The following OXR1 variants were observed in gnomAD, a reference collection of about 807,000 sequenced individuals.
The protein encoded by OXR1 is oxidation resistance 1.
Under a neutral mutation model 104.6 loss-of-function variants are expected in OXR1, and 41 were observed. That is an observed-to-expected ratio of 0.39 (90% CI 0.31 to 0.51). The LOEUF (loss-of-function observed/expected upper bound fraction) is 0.51. OXR1 is among the 20% of genes least tolerant of loss of function. OXR1 has a pLI of 0.77. For missense variants in OXR1, 955 were observed against 1,031.9 expected, an observed-to-expected ratio of 0.93 and a Z score of 1.02; for synonymous variants, 348 against 348.4, an observed-to-expected ratio of 1.00 and a Z score of 0.01.
At chr8:106,688,829 A>T (rs750622597) in intron 6 of OXR1, among the ~76,000 whole-genome samples, 5 of 152,104 alleles carry the variant, frequency 3.3e-5, no homozygotes, top group Non-Finnish European at 5.9e-5. Context: ...TGTGTTCTTA[A>T]CTACTTTTTG....
At chr8:106,509,803 G>T (rs534527257) in intron 2 of OXR1, among the ~76,000 whole-genome samples, 1 of 152,074 alleles carries the variant, frequency 6.6e-6, no homozygotes, top group African/African-American at 2.4e-5. Flanking sequence ...TCAGAGTCTC[G>T]CTCTGTCGCC....
intron 3 of OXR1, among the ~76,000 whole-genome samples, chr8:106,633,189 G>A (rs977496153): frequency 9.7e-5 from 14 of 144,666 alleles, no homozygotes; most frequent in African/African-American, 3.3e-4. Flanking sequence ...CCGAGATTGC[G>A]CCACTGCACT....
chr8:106,686,779 C>A (rs1219594772), intron 6 of OXR1, among the ~76,000 whole-genome samples: 3 of 152,124 alleles, frequency 2.0e-5, no homozygotes, highest in Admixed American at 2.0e-4. Context: ...TAAAGACTTT[C>A]ATTGGTAATA....
At position 106,745,656 on chromosome 8, in the gene OXR1, C is replaced by T. The variant is rs150003246; in HGVS notation, c.2413-133C>T. The T allele has an allele frequency of 7.7e-4, 374 of 488,560 alleles. 4 individuals carry two copies. The highest frequency in any genetic ancestry group is 7.2e-3 in the East Asian group (228 of 31,826). The allele number at this position is 488,560 out of a possible 1,614,324, so 30.3% of individuals were successfully genotyped here. ...ACCCAAACCACCAGAGCCTTCTGTGCGGAGCTTTTTGTGGTGTTCTTATTC... is the reference window on the plus strand; with the variant it reads ...ACCCAAACCACCAGAGCCTTCTGTGTGGAGCTTTTTGTGGTGTTCTTATTC... On this transcript the variant is annotated intron_variant, in intron 15 of 16. Coordinates refer to ENST00000517566, the MANE Select transcript of OXR1 (RefSeq NM_001198533.2).
chr8:106,296,694 T>TC (rs1433326137), intron 1 of OXR1, among the ~76,000 whole-genome samples: 1 of 152,170 alleles, frequency 6.6e-6, no homozygotes, highest in African/African-American at 2.4e-5. Flanking sequence ...CTAAATATCA[T>TC]CTCTGGCTGT....
intron 14 of OXR1, 77 bp from the exon 15 acceptor site, chr8:106,742,145 A>T: frequency 1.2e-6 from 1 of 848,204 alleles, no homozygotes; most frequent in Non-Finnish European, 2.0e-6. Flanking sequence ...CATTTTATTT[A>T]AACATATATG....
chr8:106,723,687 C>T (rs1833063721), intron 11 of OXR1, among the ~76,000 whole-genome samples: 1 of 151,772 alleles, frequency 6.6e-6, no homozygotes, highest in Non-Finnish European at 1.5e-5. Context: ...AAAAAACAAA[C>T]AAACAAAAAA....
intron 15 of OXR1, among the ~76,000 whole-genome samples, chr8:106,743,491 T>C (rs1835110937): frequency 6.6e-6 from 1 of 152,206 alleles, no homozygotes; most frequent in Non-Finnish European, 1.5e-5. Context: ...TGGCTAATTT[T>C]TGTATTTTTA....
chr8:106,617,726 C>T (rs1254946453), intron 3 of OXR1, among the ~76,000 whole-genome samples: 5 of 152,154 alleles, frequency 3.3e-5, no homozygotes, highest in Non-Finnish European at 7.4e-5. Flanking sequence ...ATCAAATCTG[C>T]TACCTGTTGT....
At chr8:106,738,627 T>C (rs1834617679) in intron 12 of OXR1, among the ~76,000 whole-genome samples, 1 of 151,058 alleles carries the variant, frequency 6.6e-6, no homozygotes, top group Admixed American at 6.6e-5. Flanking sequence ...ATTATTATGT[T>C]TTATATATTA....
At chr8:106,538,392 C>CA (rs1336612335) in intron 3 of OXR1, among the ~76,000 whole-genome samples, 1 of 152,126 alleles carries the variant, frequency 6.6e-6, no homozygotes, top group Non-Finnish European at 1.5e-5. Context: ...AAATAAAGCT[C>CA]AAAATAACAT....
intron 2 of OXR1, among the ~76,000 whole-genome samples, chr8:106,462,902 T>G (rs888073076): frequency 6.6e-6 from 1 of 152,156 alleles, no homozygotes; most frequent in African/African-American, 2.4e-5. Flanking sequence ...TCAGTAATAG[T>G]AAGTGAAACC....
In OXR1 at chr8:106,684,284, T is replaced by G; in HGVS notation, c.450T>G (p.Val150=). 1 of 1,608,900 alleles carries G rather than the reference T, an allele frequency of 6.2e-7. No homozygotes were observed. The highest frequency in any genetic ancestry group is 8.5e-7 in the Non-Finnish European group (1 of 1,175,348). The part of the protein sequence containing the change: ...YVPDPEYVSS[V]ESSPSLSPVS... Reference sequence around the variant, plus strand: ...CTGATCCTGAATATGTCTCCAGTGTTGAGAGCTCTCCATCTCTAAGCCCCG... The same window carrying G: ...CTGATCCTGAATATGTCTCCAGTGTGGAGAGCTCTCCATCTCTAAGCCCCG... Residue 150 remains valine (V), a synonymous_variant, in exon 6 of 17, where the codon GTT becomes GTG. Transcript: ENST00000517566.
chr8:106,591,977 G>C (rs1009504818), intron 3 of OXR1, among the ~76,000 whole-genome samples: 1 of 152,176 alleles, frequency 6.6e-6, no homozygotes, highest in African/African-American at 2.4e-5. Flanking sequence ...CCTGCTGCCT[G>C]ATACATCGTT....
At chr8:106,558,237 G>C (rs897898603) in intron 3 of OXR1, among the ~76,000 whole-genome samples, 11 of 152,216 alleles carry the variant, frequency 7.2e-5, no homozygotes, top group African/African-American at 2.7e-4. Context: ...GGGAGTAAAA[G>C]CACATAGCCT....
intron 7 of OXR1, among the ~76,000 whole-genome samples, chr8:106,694,927 TTA>T (rs74820226): frequency 0.12 from 16,483 of 136,470 alleles, 1,351 homozygotes; most frequent in Non-Finnish European, 0.18. Flanking sequence ...TTATATATAT[TTA>T]TATATATATA....
In OXR1 at chr8:106,519,035, C is replaced by T; in HGVS notation, c.116C>T (p.Pro39Leu). ...AGKQTPQASK[P>L]PAPKTPIIEE... ...AAGCAAACACCACAAGCCAGTAAGC[C>T]CCCGGCACCCAAGACCCCCATCATT... The change falls in exon 3 of 17, where the codon CCC becomes CTC. Residue 39 changes from proline to leucine, a missense_variant. Transcript: ENST00000517566. 6.4e-7 allele frequency: 1 copy of T among 1,551,874 alleles called. No homozygotes were observed. Among genetic ancestry groups the T allele is most frequent in the Non-Finnish European group, 8.7e-7 (1 of 1,146,948 alleles).
chr8:106,626,375 A>G (rs187875999), intron 3 of OXR1, among the ~76,000 whole-genome samples: 34 of 149,602 alleles, frequency 2.3e-4, no homozygotes, highest in Non-Finnish European at 3.9e-4. Context: ...TATTGTTTTT[A>G]TAATTTTAGT....
chr8:106,408,611 C>A (rs1361355912), intron 2 of OXR1, among the ~76,000 whole-genome samples: 1 of 152,208 alleles, frequency 6.6e-6, no homozygotes, highest in Non-Finnish European at 1.5e-5. Context: ...AGGTCCCTTT[C>A]TCTTCACTAA....
Sources: allele counts gnomAD v4.1 joint callset (sites outside exome capture counted in the v4.1 genomes callset), GRCh38; gene constraint gnomAD v4.1.1; transcripts MANE v1.5; gene names NCBI Gene and HGNC (gene_info 2026-07-23, HGNC 2026-07-21).